Variants in FAM81B observed in about 807,000 individuals in gnomAD.
FAM81B encodes the protein family with sequence similarity 81 member B.
In FAM81B, 60 loss-of-function variants were observed where a neutral mutation model predicts 58.7. The ratio of observed to expected loss-of-function variants is 1.02; its 90% CI spans 0.83 to 1.27. The LOEUF (loss-of-function observed/expected upper bound fraction) is 1.27, where lower values mean the gene tolerates loss of function less well. Among genes scored for constraint, FAM81B ranks in the 50% most tolerant of loss-of-function variants. The pLI is 0.00. For synonymous variants in FAM81B, 189 were observed against 179.6 expected (o/e 1.05, Z -0.42); for missense variants, 491 against 522.0 (o/e 0.94, Z 0.58).
chr5:95,438,179 A>G (rs890501234), intron 7 of FAM81B, among the ~76,000 whole-genome samples: 2 of 152,226 alleles, frequency 1.3e-5, no homozygotes, highest in African/African-American at 4.8e-5. Context: ...GTAGTTGTCA[A>G]GTAAACAGAA....
chr5:95,394,132 A>G (rs1761903139), intron 2 of FAM81B, among the ~76,000 whole-genome samples: 1 of 152,172 alleles, frequency 6.6e-6, no homozygotes, highest in Admixed American at 6.5e-5. Flanking sequence ...ACTTTTCTAT[A>G]CTTTTCCAAA....
chr5:95,403,141 A>T (rs1762157043), intron 3 of FAM81B, among the ~76,000 whole-genome samples: 1 of 152,200 alleles, frequency 6.6e-6, no homozygotes, highest in Non-Finnish European at 1.5e-5. Flanking sequence ...CATTAGAATC[A>T]CCTATGCGCT....
chr5:95,407,290 A>G (rs866959072), intron 3 of FAM81B, among the ~76,000 whole-genome samples: 9 of 136,942 alleles, frequency 6.6e-5, no homozygotes, highest in South Asian at 2.5e-4. Context: ...ACACACACAC[A>G]CACGCACATC....
chr5:95,423,480 G>A (rs1762740182), intron 5 of FAM81B, among the ~76,000 whole-genome samples: 1 of 148,818 alleles, frequency 6.7e-6, no homozygotes. Flanking sequence ...ATCCGTAGCC[G>A]CAGTCAGAGG....
intron 3 of FAM81B, among the ~76,000 whole-genome samples, chr5:95,400,440 A>G (rs1762081425): frequency 7.1e-6 from 1 of 139,982 alleles, no homozygotes; most frequent in African/African-American, 3.0e-5. Flanking sequence ...ACATACACAC[A>G]CACACACACA....
chr5:95,402,311 G>C (rs560404320), intron 3 of FAM81B, among the ~76,000 whole-genome samples: 1 of 152,034 alleles, frequency 6.6e-6, no homozygotes, highest in Admixed American at 6.6e-5. Context: ...TGCAAATAGG[G>C]AAAAAATATA....
intron 4 of FAM81B, among the ~76,000 whole-genome samples, chr5:95,418,207 CAGT>C (rs1259499103): frequency 2.0e-5 from 3 of 152,280 alleles, no homozygotes; most frequent in Middle Eastern, 3.4e-3. Flanking sequence ...ATTAGTCACT[CAGT>C]AGCCTGTTGG....
Position 95,438,798 on chromosome 5 carries a change from A to C in FAM81B, c.893+1892A>C, listed in dbSNP as rs563488698. Among the ~76,000 whole-genome samples the C allele has an allele frequency of 3.3e-3, 499 of 151,334 alleles. 1 individual carries two copies. Among genetic ancestry groups the C allele is most frequent in the African/African-American group, 0.011 (473 of 41,374 alleles). ...ATGCATTAATTGTAAAAAAAAAAAA[A>C]AAACCAACAACAGTGAAAAAAGAGG... On this transcript the variant is annotated intron_variant, in intron 7 of 9. Coordinates refer to ENST00000283357, the MANE Select transcript of FAM81B (RefSeq NM_152548.3).
At chr5:95,418,925 C>T (rs1367499720) in intron 4 of FAM81B, among the ~76,000 whole-genome samples, 3 of 151,812 alleles carry the variant, frequency 2.0e-5, no homozygotes, top group Admixed American at 6.6e-5. Context: ...GAAATTACTC[C>T]CCCATTGATT....
chr5:95,409,374 G>T (rs1244395358), intron 3 of FAM81B, among the ~76,000 whole-genome samples: 1 of 151,854 alleles, frequency 6.6e-6, no homozygotes, highest in Non-Finnish European at 1.5e-5. Flanking sequence ...GGCCAGGCTG[G>T]TTTCAAATTC....
At chr5:95,428,536 G>T in intron 5 of FAM81B, 67 bp from the exon 6 acceptor site, 1 of 1,571,808 alleles carries the variant, frequency 6.4e-7, no homozygotes, top group East Asian at 2.3e-5. Context: ...GAATGTGCAG[G>T]TGTCTACTAT....
intron 3 of FAM81B, among the ~76,000 whole-genome samples, chr5:95,405,955 C>T (rs1485945500): frequency 1.3e-5 from 2 of 152,246 alleles, no homozygotes; most frequent in African/African-American, 4.8e-5. Context: ...GTTATTGTTA[C>T]TGCTCCAATT....
intron 9 of FAM81B, among the ~76,000 whole-genome samples, chr5:95,449,523 A>C (rs1192651167): frequency 2.6e-5 from 4 of 151,906 alleles, no homozygotes; most frequent in African/African-American, 4.8e-5. Flanking sequence ...AGTTCTAAAA[A>C]GGGGGAACTT....
intron 6 of FAM81B, among the ~76,000 whole-genome samples, chr5:95,434,140 C>T (rs1425531655): frequency 6.6e-6 from 1 of 152,074 alleles, no homozygotes; most frequent in Non-Finnish European, 1.5e-5. Context: ...TTCTGTAGGT[C>T]AAAATTTGGG....
intron 6 of FAM81B, among the ~76,000 whole-genome samples, chr5:95,433,872 T>C (rs1271710971): frequency 6.6e-6 from 1 of 152,220 alleles, no homozygotes. Flanking sequence ...GTTTCTGCTA[T>C]GTTATTTGGC....
At chr5:95,428,475 T>C (rs973169156) in intron 5 of FAM81B, 128 bp from the exon 6 acceptor site, 84 of 1,168,800 alleles carry the variant, frequency 7.2e-5, no homozygotes, top group Non-Finnish European at 9.6e-5. Context: ...AATACACTCC[T>C]ATATCTACCA....
At chr5:95,444,068 C>T (rs1479751676) in intron 7 of FAM81B, among the ~76,000 whole-genome samples, 1 of 152,126 alleles carries the variant, frequency 6.6e-6, no homozygotes, top group Non-Finnish European at 1.5e-5. Flanking sequence ...TTAATTAATA[C>T]TTCCACCAGA....
chr5:95,440,474 C>T (rs1435899455), intron 7 of FAM81B: 7 of 627,794 alleles, frequency 1.1e-5, no homozygotes, highest in Non-Finnish European at 1.8e-5. Flanking sequence ...GTTGCTAAGG[C>T]AAATCAAACA....
At chr5:95,411,074 G>A (rs191866627) in intron 3 of FAM81B, among the ~76,000 whole-genome samples, 450 of 152,266 alleles carry the variant, frequency 3.0e-3, no homozygotes, top group Non-Finnish European at 4.9e-3. Context: ...AGATTTGAAG[G>A]AATGTTGTCA....
Sources: allele counts gnomAD v4.1 joint callset (sites outside exome capture counted in the v4.1 genomes callset), GRCh38; gene constraint gnomAD v4.1.1; transcripts MANE v1.5; gene names NCBI Gene and HGNC (gene_info 2026-07-23, HGNC 2026-07-21).